The following SAMMSON variants were observed in gnomAD, a reference collection of about 807,000 sequenced individuals.
SAMMSON encodes the protein survival associated mitochondrial melanoma specific oncogenic non-coding RNA, also known as long intergenic non-protein coding RNA 1212.
At chr3:70,327,056 C>T (rs180889780) in intron 7 of SAMMSON, among the ~76,000 whole-genome samples, 1 of 152,212 alleles carries the variant, frequency 6.6e-6, no homozygotes, top group Admixed American at 6.5e-5. Context: ...TGGGGTTTCG[C>T]CATGTTGACC....
At chr3:70,361,931 A>C (rs1453274517) in intron 9 of SAMMSON, among the ~76,000 whole-genome samples, 1 of 152,200 alleles carries the variant, frequency 6.6e-6, no homozygotes, top group Non-Finnish European at 1.5e-5. Flanking sequence ...GATTACCTAG[A>C]GCAGAGGACT....
intron 1 of SAMMSON, among the ~76,000 whole-genome samples, chr3:70,010,814 G>T (rs1330980882): frequency 2.0e-5 from 3 of 152,146 alleles, no homozygotes; most frequent in Non-Finnish European, 4.4e-5. Flanking sequence ...CAAAGGAGCA[G>T]CAGGCACCTT....
chr3:70,192,082 G>A (rs1701135148), intron 4 of SAMMSON, among the ~76,000 whole-genome samples: 1 of 152,032 alleles, frequency 6.6e-6, no homozygotes, highest in South Asian at 2.1e-4. Flanking sequence ...AAGAGTGTAA[G>A]GTGAAATTCG....
chr3:70,074,286 G>C (rs1446561598), intron 4 of SAMMSON, among the ~76,000 whole-genome samples: 1 of 151,988 alleles, frequency 6.6e-6, no homozygotes, highest in East Asian at 1.9e-4. Context: ...CAATTGTGTT[G>C]TCTTTTCCTG....
intron 4 of SAMMSON, among the ~76,000 whole-genome samples, chr3:70,180,860 C>A (rs573564904): frequency 1.3e-5 from 2 of 151,834 alleles, no homozygotes; most frequent in Non-Finnish European, 2.9e-5. Context: ...AAGCAAAGGC[C>A]CCCTAATTTA....
intron 4 of SAMMSON, among the ~76,000 whole-genome samples, chr3:70,113,832 T>C (rs1351803088): frequency 1.3e-5 from 2 of 152,126 alleles, no homozygotes; most frequent in East Asian, 3.9e-4. Context: ...CCTGTCATTT[T>C]GAGAAGAGGA....
intron 9 of SAMMSON, among the ~76,000 whole-genome samples, chr3:70,384,035 T>G (rs970896035): frequency 6.6e-6 from 1 of 151,882 alleles, no homozygotes; most frequent in Non-Finnish European, 1.5e-5. Context: ...AACCATTGGT[T>G]AAGGATGCAA....
At chr3:70,307,367 A>G (rs918916981) in intron 7 of SAMMSON, among the ~76,000 whole-genome samples, 2 of 152,184 alleles carry the variant, frequency 1.3e-5, no homozygotes, top group Non-Finnish European at 2.9e-5. Flanking sequence ...AATGGCAACA[A>G]TTTAAGGGCT....
chr3:70,314,970 C>G (rs1299829100), intron 7 of SAMMSON, among the ~76,000 whole-genome samples: 3 of 152,042 alleles, frequency 2.0e-5, no homozygotes, highest in Non-Finnish European at 4.4e-5. Context: ...AAATCCTTGT[C>G]TGAATTTCTC....
In SAMMSON at chr3:70,096,377, C is replaced by CTACAAAAAT. The variant is rs1223862861; in HGVS notation, n.507+24824_507+24832dup. On this transcript the variant is annotated intron_variant and non_coding_transcript_variant, in intron 4 of 9. Transcript: ENST00000642114. ...TGGGCAACATACTGGGACCTCGTCT[C>CTACAAAAAT]TACAAAAATTACAAAAATTAGCTTG... Among the ~76,000 whole-genome samples the CTACAAAAAT allele has an allele frequency of 5.0e-4, 76 of 152,258 alleles. 1 individual carries two copies. Among genetic ancestry groups the CTACAAAAAT allele is most frequent in the Non-Finnish European group, 1.0e-4 (7 of 68,016 alleles).
intron 4 of SAMMSON, among the ~76,000 whole-genome samples, chr3:70,157,797 A>G (rs1383798017): frequency 6.6e-6 from 1 of 152,080 alleles, no homozygotes; most frequent in African/African-American, 2.4e-5. Context: ...TTGCAAGGAA[A>G]TGCCATTTAT....
chr3:70,292,533 G>A (rs919181263), intron 7 of SAMMSON, among the ~76,000 whole-genome samples: 1 of 152,100 alleles, frequency 6.6e-6, no homozygotes, highest in Non-Finnish European at 1.5e-5. Flanking sequence ...TTTGGTTTGA[G>A]AGGCATTAAA....
intron 7 of SAMMSON, among the ~76,000 whole-genome samples, chr3:70,340,173 A>G (rs1702700578): frequency 6.9e-6 from 1 of 144,366 alleles, no homozygotes; most frequent in South Asian, 2.4e-4. Flanking sequence ...ATTCTCACTC[A>G]TAGGTGGGGA....
At chr3:70,105,172 A>G (rs1314395906) in intron 4 of SAMMSON, among the ~76,000 whole-genome samples, 5 of 152,188 alleles carry the variant, frequency 3.3e-5, no homozygotes, top group African/African-American at 7.2e-5. Context: ...AATTATAGGA[A>G]AGTAATCTTT....
intron 4 of SAMMSON, among the ~76,000 whole-genome samples, chr3:70,228,622 G>A (rs1266922335): frequency 6.9e-6 from 1 of 145,022 alleles, no homozygotes; most frequent in Non-Finnish European, 1.5e-5. Flanking sequence ...AAACATTTAA[G>A]TTTTCTTACT....
At chr3:70,373,166 G>A (rs190526738) in intron 9 of SAMMSON, among the ~76,000 whole-genome samples, 246 of 151,810 alleles carry the variant, frequency 1.6e-3, no homozygotes, top group Non-Finnish European at 3.0e-3. Flanking sequence ...TTTTTTAAAA[G>A]CATGTCTTCT....
rs755061444 is a variant in SAMMSON, at chr3:70,224,572, A to G, written n.508-24535A>G. ...CAACACTATAATTTCCGCAATGCTC[A>G]CTAAGTGTCTGACTTTACAACTGCC... On this transcript the variant is annotated intron_variant and non_coding_transcript_variant, in intron 4 of 9. Coordinates refer to ENST00000642114, the Ensembl canonical transcript of SAMMSON. Among the ~76,000 whole-genome samples, 5 of 152,296 alleles carry G rather than the reference A, an allele frequency of 3.3e-5. No homozygotes were observed. The Middle Eastern group carries it at 0.014, about 414-fold the overall frequency.
intron 7 of SAMMSON, among the ~76,000 whole-genome samples, chr3:70,301,262 C>G (rs1702346039): frequency 1.3e-5 from 2 of 152,148 alleles, no homozygotes; most frequent in South Asian, 4.1e-4. Context: ...AAAACAAAAA[C>G]ACTTTTTAAA....
intron 3 of SAMMSON, among the ~76,000 whole-genome samples, chr3:70,029,679 C>T (rs1026483139): frequency 2.0e-4 from 30 of 146,394 alleles, no homozygotes; most frequent in Admixed American, 7.6e-4. Flanking sequence ...CACTTGAACC[C>T]GGGAGATGGA....
Sources: allele counts gnomAD v4.1 joint callset (sites outside exome capture counted in the v4.1 genomes callset), GRCh38; gene constraint gnomAD v4.1.1; transcripts MANE v1.5; gene names NCBI Gene and HGNC (gene_info 2026-07-23, HGNC 2026-07-21).